The following DTNB variants were observed in gnomAD, a reference collection of about 807,000 sequenced individuals.
DTNB encodes the protein DTN-B.
A neutral mutation model predicts 90.7 loss-of-function variants in DTNB; 63 were observed. The ratio of observed to expected loss-of-function variants is 0.69; its 90% CI spans 0.57 to 0.86. The LOEUF is 0.86. Ranked by LOEUF, DTNB falls within the 40% of genes least tolerant of loss-of-function variation. The pLI is 0.00. For synonymous variants in DTNB, 277 were observed against 286.7 expected (o/e 0.97, Z 0.34); for missense variants, 744 against 807.1 (o/e 0.92, Z 0.95).
At chr2:25,542,350 C>T (rs1301853372) in intron 8 of DTNB, among the ~76,000 whole-genome samples, 1 of 152,078 alleles carries the variant, frequency 6.6e-6, no homozygotes, top group Admixed American at 6.6e-5. Flanking sequence ...AAGAATACAC[C>T]CTTAATTGCT....
intron 16 of DTNB, among the ~76,000 whole-genome samples, chr2:25,393,236 G>A (rs1009101942): frequency 6.6e-6 from 1 of 152,154 alleles, no homozygotes; most frequent in South Asian, 2.1e-4. Context: ...ATACCTTAAT[G>A]TAATAAAAGC....
rs1239039794 is a variant in DTNB, at chr2:25,652,931, CTT to C, written c.-1-272_-1-271del. ...AAATATGGGGCTGACTTACTTCTAA[CTT>C]TGATTATTTTCTCTGCAGAGTCCTG... is the stretch of plus-strand genomic sequence containing the variant. On this transcript the variant is annotated intron_variant, in intron 1 of 20. Transcript: ENST00000406818. 2.4e-5 allele frequency: 7 copies of C among 297,052 alleles called. 1 individual carries two copies. The South Asian group carries it at 6.8e-4, about 29-fold the overall frequency. The allele number at this position is 297,052 out of a possible 1,614,324, so 18.4% of individuals were successfully genotyped here. A position where few individuals can be genotyped will look rare whatever the true frequency, so the allele number is the denominator to read the frequency against.
chr2:25,606,866 G>A (rs961399771), intron 5 of DTNB, among the ~76,000 whole-genome samples: 1 of 152,150 alleles, frequency 6.6e-6, no homozygotes, highest in African/African-American at 2.4e-5. Context: ...GTTATTAAGA[G>A]CTAAACCAGA....
At chr2:25,526,372 T>TAA (rs1287797041) in intron 9 of DTNB, among the ~76,000 whole-genome samples, 14,264 of 60,518 alleles carry the variant, frequency 0.24, 1,280 homozygotes, top group East Asian at 0.39. Context: ...AATATATATA[T>TAA]ATATATATAT....
intron 3 of DTNB, among the ~76,000 whole-genome samples, chr2:25,633,929 C>T (rs574696338): frequency 4.0e-5 from 6 of 151,628 alleles, no homozygotes; most frequent in South Asian, 2.1e-4. Flanking sequence ...GGAGACCCTC[C>T]GCCTGGCAAC....
At chr2:25,553,741 CAAAAA>C (rs1184090329) in intron 8 of DTNB, among the ~76,000 whole-genome samples, 1 of 39,024 alleles carries the variant, frequency 2.6e-5, no homozygotes, top group Non-Finnish European at 5.4e-5. Context: ...AACTCCTTCT[CAAAAA>C]AAAAAAAAAA....
In DTNB at chr2:25,456,907, C is replaced by A. The variant is rs553134306; in HGVS notation, c.1080-1413G>T. Among the ~76,000 whole-genome samples, 8 of 152,042 alleles carry A rather than the reference C, an allele frequency of 5.3e-5. No individual in the cohort carries two copies. In the South Asian group the frequency reaches 6.2e-4, roughly 12 times the overall value. Reference sequence around the variant, plus strand: ...GAAGCTCAAACTCTCCTACCTTTGGCCAGTGGGAGCTCCTGTAATAGGCTC... The same window carrying A: ...GAAGCTCAAACTCTCCTACCTTTGGACAGTGGGAGCTCCTGTAATAGGCTC... On this transcript the variant is annotated intron_variant, in intron 10 of 20. Transcript: ENST00000406818.
chr2:25,510,148 CT>C (rs1431269387), intron 9 of DTNB, among the ~76,000 whole-genome samples: 1 of 151,878 alleles, frequency 6.6e-6, no homozygotes, highest in Non-Finnish European at 1.5e-5. Context: ...TTATTTTGTC[CT>C]TCTGGAATTC....
At chr2:25,473,021 A>G (rs2063098764) in intron 10 of DTNB, among the ~76,000 whole-genome samples, 1 of 152,240 alleles carries the variant, frequency 6.6e-6, no homozygotes, top group African/African-American at 2.4e-5. Flanking sequence ...GCTGCAGCAA[A>G]GAAGATCCAC....
intron 9 of DTNB, among the ~76,000 whole-genome samples, chr2:25,494,965 T>G (rs1222023654): frequency 6.6e-6 from 1 of 152,068 alleles, no homozygotes; most frequent in Non-Finnish European, 1.5e-5. Flanking sequence ...GTTCACTTAC[T>G]TAAAGATTAA....
chr2:25,545,931 A>C (rs1403408280), intron 8 of DTNB, among the ~76,000 whole-genome samples: 1 of 152,170 alleles, frequency 6.6e-6, no homozygotes, highest in East Asian at 1.9e-4. Flanking sequence ...TTAGAAACTT[A>C]ATTTTTAACT....
intron 10 of DTNB, among the ~76,000 whole-genome samples, chr2:25,466,250 G>A (rs780430732): frequency 5.3e-5 from 8 of 152,164 alleles, no homozygotes; most frequent in East Asian, 1.9e-4. Flanking sequence ...GCAGAGAATC[G>A]CTTGAACCTG....
At chr2:25,540,414 CTCTT>C (rs1482233082) in intron 8 of DTNB, among the ~76,000 whole-genome samples, 1 of 150,860 alleles carries the variant, frequency 6.6e-6, no homozygotes, top group Admixed American at 6.6e-5. Context: ...AGCAGCCCTG[CTCTT>C]TTTTTATAAG....
intron 9 of DTNB, among the ~76,000 whole-genome samples, chr2:25,493,449 A>C (rs2068030737): frequency 6.6e-6 from 1 of 152,134 alleles, no homozygotes; most frequent in South Asian, 2.1e-4. Context: ...AACCCACCCT[A>C]TAGACTACCT....
intron 8 of DTNB, among the ~76,000 whole-genome samples, chr2:25,562,473 A>G (rs927762870): frequency 2.0e-5 from 3 of 152,206 alleles, no homozygotes; most frequent in Non-Finnish European, 4.4e-5. Flanking sequence ...TCACATGGTG[A>G]GTCTATGTTT....
chr2:25,533,434 T>G (rs1204915859), intron 8 of DTNB, among the ~76,000 whole-genome samples: 2 of 152,174 alleles, frequency 1.3e-5, no homozygotes, highest in Non-Finnish European at 2.9e-5. Flanking sequence ...CTAACTTCTT[T>G]CCATTTTCCT....
At chr2:25,584,642 C>T (rs1224517260) in intron 6 of DTNB, among the ~76,000 whole-genome samples, 1 of 151,968 alleles carries the variant, frequency 6.6e-6, no homozygotes, top group Non-Finnish European at 1.5e-5. Flanking sequence ...CTGCAACCTC[C>T]ACCTCCCAGG....
At chr2:25,455,379 C>A in intron 11 of DTNB, 26 bp downstream of exon 11, 1 of 1,567,330 alleles carries the variant, frequency 6.4e-7, no homozygotes, top group Non-Finnish European at 8.6e-7. Context: ...CCCGTGGCTA[C>A]CCACTGCTGC....
chr2:25,582,099 G>T (rs1335285426), intron 6 of DTNB, among the ~76,000 whole-genome samples: 3 of 152,168 alleles, frequency 2.0e-5, no homozygotes, highest in Non-Finnish European at 4.4e-5. Flanking sequence ...TATTTCAAGG[G>T]GGGAAAAAAG....
Sources: gnomAD v4.1 joint callset for allele counts (sites outside exome capture counted in the v4.1 genomes callset) on GRCh38, gnomAD v4.1.1 for gene constraint, MANE v1.5 for transcripts, NCBI Gene and HGNC (gene_info 2026-07-23, HGNC 2026-07-21) for gene names.